RAB27A: variants seen among roughly 807,000 people sequenced by gnomAD.
RAB27A encodes ras-related protein Rab-27A.
RAB27A carries 17 observed loss-of-function variants against 20.8 expected under a neutral mutation model. That is an observed-to-expected ratio of 0.82 (90% CI 0.56 to 1.23). The LOEUF is 1.23. Among genes scored for constraint, RAB27A ranks in the 50% most tolerant of loss-of-function variants. The probability of loss-of-function intolerance (pLI) is 0.00; values close to 1 mark genes in which losing one functional copy is unlikely to be tolerated. For missense variants in RAB27A, 277 were observed against 266.7 expected (o/e 1.04, Z -0.27); for synonymous variants, 85 against 92.8 (o/e 0.92, Z 0.48).
At chr15:55,259,513 C>T (rs1229291658) in intron 2 of RAB27A, among the ~76,000 whole-genome samples, 1 of 151,520 alleles carries the variant, frequency 6.6e-6, no homozygotes, top group Non-Finnish European at 1.5e-5. Flanking sequence ...TCTTGAACTC[C>T]TAGTCTCAAG....
rs1176435138 is a variant in RAB27A, at chr15:55,204,985, T to A, written c.*522A>T. ...TGTTAAATAGAATGCTTACATAAAATTAATACTCAAAGACATTGAGCTGAT... is the reference window on the plus strand; with the variant it reads ...TGTTAAATAGAATGCTTACATAAAAATAATACTCAAAGACATTGAGCTGAT... On this transcript the variant is annotated 3_prime_UTR_variant, in exon 7 of 7. Transcript: ENST00000336787. 2 of 173,648 alleles carry A rather than the reference T, an allele frequency of 1.2e-5. No individual in the cohort carries two copies. The highest frequency in any genetic ancestry group is 4.8e-5 in the African/African-American group (2 of 41,594). 10.8% of individuals were successfully genotyped at this position (173,648 alleles called of 1,614,324 possible). A position where few individuals can be genotyped will look rare whatever the true frequency, so the allele number is the denominator to read the frequency against.
intron 2 of RAB27A, among the ~76,000 whole-genome samples, chr15:55,262,998 A>C (rs1215990995): frequency 6.6e-6 from 1 of 152,204 alleles, no homozygotes; most frequent in Non-Finnish European, 1.5e-5. Flanking sequence ...TGTCAACTTT[A>C]TCACATTTTG....
intron 2 of RAB27A, among the ~76,000 whole-genome samples, chr15:55,265,589 T>G (rs1017717532): frequency 3.3e-5 from 5 of 151,568 alleles, no homozygotes; most frequent in East Asian, 3.9e-4. Flanking sequence ...CCAAAACATG[T>G]AACTGAGTTT....
chr15:55,211,925 C>G (rs1355231057), intron 6 of RAB27A, among the ~76,000 whole-genome samples: 1 of 146,112 alleles, frequency 6.8e-6, no homozygotes, highest in Admixed American at 6.8e-5. Context: ...TTGCAACATG[C>G]TATTTTATTA....
At chr15:55,291,509 T>G (rs1289652333), upstream of RAB27A, among the ~76,000 whole-genome samples, 1 of 45,044 alleles carries the variant, frequency 2.2e-5, no homozygotes, top group Non-Finnish European at 3.8e-5. Context: ...AGACTCTGTT[T>G]CAAAAAAAAA....
chr15:55,311,076 G>A (rs1472054099), intron 2 of RAB27A, among the ~76,000 whole-genome samples: 1 of 151,496 alleles, frequency 6.6e-6, no homozygotes, highest in Admixed American at 6.6e-5. Flanking sequence ...ACTGACTGCT[G>A]GCCTGTGGGG....
intron 6 of RAB27A, among the ~76,000 whole-genome samples, chr15:55,211,022 T>C (rs1472915033): frequency 6.6e-6 from 1 of 152,236 alleles, no homozygotes; most frequent in Non-Finnish European, 1.5e-5. Context: ...GAAGAGAATG[T>C]CCTTTCCCCT....
chr15:55,274,793 A>AC (rs1566932742), intron 1 of RAB27A, among the ~76,000 whole-genome samples: 8 of 8,792 alleles, frequency 9.1e-4, no homozygotes, highest in Non-Finnish European at 3.0e-3. Context: ...AAATAAATAA[A>AC]TTATATATAT....
intron 6 of RAB27A, among the ~76,000 whole-genome samples, chr15:55,216,818 T>C (rs1290320736): frequency 6.6e-6 from 1 of 152,066 alleles, no homozygotes; most frequent in African/African-American, 2.4e-5. Context: ...TCCAAAGCAT[T>C]TGCCTCCCTT....
intron 2 of RAB27A, among the ~76,000 whole-genome samples, chr15:55,296,839 A>G (rs2054951463): frequency 6.6e-6 from 1 of 152,086 alleles, no homozygotes; most frequent in Non-Finnish European, 1.5e-5. Context: ...CACCTTGGCT[A>G]GGGGAGGCCC....
chr15:55,294,820 G>C (rs1047423120), intron 2 of RAB27A, among the ~76,000 whole-genome samples: 2 of 152,010 alleles, frequency 1.3e-5, no homozygotes, highest in Non-Finnish European at 2.9e-5. Flanking sequence ...AGCAACAGAA[G>C]AAAAGAGTAG....
At chr15:55,302,997 C>G (rs977360768) in intron 2 of RAB27A, among the ~76,000 whole-genome samples, 1 of 143,864 alleles carries the variant, frequency 7.0e-6, no homozygotes, top group Non-Finnish European at 1.5e-5. Flanking sequence ...GGGGGTCAAC[C>G]CCCCGCCCGG....
chr15:55,209,209 T>C (rs1421719289), intron 6 of RAB27A, among the ~76,000 whole-genome samples: 3 of 152,214 alleles, frequency 2.0e-5, no homozygotes, highest in South Asian at 2.1e-4. Flanking sequence ...ATAGTCACCC[T>C]ACTGATCCTT....
At chr15:55,255,393 G>T (rs532815958) in intron 2 of RAB27A, among the ~76,000 whole-genome samples, 1 of 152,284 alleles carries the variant, frequency 6.6e-6, no homozygotes, top group South Asian at 2.1e-4. Flanking sequence ...CCTCATGGGT[G>T]TGTTTCATCT....
chr15:55,229,158 T>C (rs933693279), intron 4 of RAB27A, among the ~76,000 whole-genome samples: 3 of 152,164 alleles, frequency 2.0e-5, no homozygotes, highest in Non-Finnish European at 4.4e-5. Flanking sequence ...TCTGTCTTGG[T>C]ACTCTGCCTT....
chr15:55,218,694 C>A (rs1322041052), intron 6 of RAB27A, among the ~76,000 whole-genome samples: 3 of 152,006 alleles, frequency 2.0e-5, no homozygotes, highest in Non-Finnish European at 4.4e-5. Flanking sequence ...CATTTCTTTG[C>A]ACAGTACACA....
chr15:55,238,263 C>A (rs1203890418), intron 2 of RAB27A: 1 of 152,120 alleles, frequency 6.6e-6, no homozygotes, highest in Non-Finnish European at 1.5e-5. Flanking sequence ...GATCTAGAAT[C>A]TAGATCTCCT....
chr15:55,275,840 G>A (rs886517932), intron 1 of RAB27A, among the ~76,000 whole-genome samples: 6 of 143,470 alleles, frequency 4.2e-5, no homozygotes, highest in African/African-American at 1.3e-4. Flanking sequence ...AAAAGTGCTC[G>A]ACATCACTAA....
At chr15:55,247,849 G>C (rs1896745831) in intron 2 of RAB27A, among the ~76,000 whole-genome samples, 1 of 151,700 alleles carries the variant, frequency 6.6e-6, no homozygotes, top group African/African-American at 2.4e-5. Context: ...TTGACACATA[G>C]ATACTTACAA....
Sources: allele counts gnomAD v4.1 joint callset (sites outside exome capture counted in the v4.1 genomes callset), GRCh38; gene constraint gnomAD v4.1.1; transcripts MANE v1.5; gene names NCBI Gene and HGNC (gene_info 2026-07-23, HGNC 2026-07-21).